Variants in TTPAL observed in about 807,000 individuals in gnomAD.
TTPAL encodes the protein alpha tocopherol transfer protein like.
Under a neutral mutation model 28.7 loss-of-function variants are expected in TTPAL, and 21 were observed. The observed-to-expected ratio is 0.73, with a 90% CI of 0.52 to 1.06. The LOEUF (loss-of-function observed/expected upper bound fraction) is 1.06, where lower values mean the gene tolerates loss of function less well. Ranked by LOEUF, TTPAL falls within the 50% of genes least tolerant of loss-of-function variation. The pLI is 0.00. For missense variants in TTPAL, 345 were observed against 425.5 expected (o/e 0.81, Z 1.67); for synonymous variants, 169 against 171.9 (o/e 0.98, Z 0.13).
intron 2 of TTPAL, among the ~76,000 whole-genome samples, chr20:44,483,279 ACTGGAAAGCTGTCCCCACCACTG>A (rs1197102321): frequency 1.3e-5 from 2 of 152,202 alleles, no homozygotes; most frequent in Non-Finnish European, 2.9e-5. Context: ...AAACTCTGGC[ACTGGAAAGCTGTCCCCACCACTG>A]CTGTCCTCAA....
Position 44,480,594 on chromosome 20 carries a change from A to C in TTPAL, c.445+150A>C. ...ATTGCAGATAACACAAACCTACTCA[A>C]ACCAACTTCAGAAAAAAGGGAGGAT... On this transcript the variant is annotated intron_variant, in intron 2 of 4. Coordinates refer to ENST00000262605, the MANE Select transcript of TTPAL (RefSeq NM_001039199.3). The surrounding 1 kb of genome is among the most constrained non-coding windows in gnomAD (Gnocchi z 4.1). 2 of 741,314 alleles carry C rather than the reference A, an allele frequency of 2.7e-6. No homozygotes were observed. Among genetic ancestry groups the C allele is most frequent in the Non-Finnish European group, 4.2e-6 (2 of 479,252 alleles). The allele number at this position is 741,314 out of a possible 1,614,324, so 45.9% of individuals were successfully genotyped here. A position where few individuals can be genotyped will look rare whatever the true frequency, so the allele number is the denominator to read the frequency against.
chr20:44,493,471 A>C lies in TTPAL; in HGVS notation c.*3930A>C, dbSNP rs919000983. On this transcript the variant is annotated 3_prime_UTR_variant, in exon 5 of 5. Transcript: ENST00000262605. ...TTTTCATTTGGGTAGCAAAAGCTAG[A>C]GTATTGCTGTGGCGATTATAATACT... The C allele has an allele frequency of 6.6e-6, 1 of 152,330 alleles. No homozygotes were observed. The allele number at this position is 152,330 out of a possible 1,614,324, so 9.4% of individuals were successfully genotyped here. A position where few individuals can be genotyped will look rare whatever the true frequency, so the allele number is the denominator to read the frequency against.
intron 1 of TTPAL, among the ~76,000 whole-genome samples, chr20:44,477,399 A>G (rs2064054015): frequency 6.6e-6 from 1 of 152,312 alleles, no homozygotes; most frequent in South Asian, 2.1e-4. Context: ...TGAACAAGAC[A>G]AACTTGGATG....
Position 44,494,234 on chromosome 20 carries a change from G to A in TTPAL, c.*4693G>A, listed in dbSNP as rs1246714331. On this transcript the variant is annotated 3_prime_UTR_variant, in exon 5 of 5. Transcript: ENST00000262605. ...CATCTCACTGGGCAGCAGGTTTAGT[G>A]AGGCAGTGAGATGCTGCTGCTGTGG... 1 of 152,668 alleles carries A rather than the reference G, an allele frequency of 6.6e-6. No homozygotes were observed. The highest frequency in any genetic ancestry group is 2.4e-5 in the African/African-American group (1 of 41,438). The allele number at this position is 152,668 out of a possible 1,614,324, so 9.5% of individuals were successfully genotyped here. A position where few individuals can be genotyped will look rare whatever the true frequency, so the allele number is the denominator to read the frequency against.
At position 44,484,439 on chromosome 20, in the gene TTPAL, T is replaced by C. The variant is rs1005631735; in HGVS notation, c.548T>C (p.Ile183Thr). 18 of 1,608,206 alleles carry C rather than the reference T, an allele frequency of 1.1e-5. No individual in the cohort carries two copies. Among genetic ancestry groups the C allele is most frequent in the East Asian group, 2.2e-5 (1 of 44,752 alleles). Residue 183 changes from isoleucine (I) to threonine (T), a missense_variant, in exon 3 of 5, where the codon ATT becomes ACT. Ile to Thr is a moderately conservative substitution (Grantham distance 89). Transcript: ENST00000262605. ...IQSEETQVNG[I>T]VILADYKGVS... Reference sequence around the variant, plus strand: ...TCTGAAGAAACCCAGGTGAATGGAATTGTAATTCTTGCAGACTACAAAGGA... The same window carrying C: ...TCTGAAGAAACCCAGGTGAATGGAACTGTAATTCTTGCAGACTACAAAGGA...
intron 4 of TTPAL, among the ~76,000 whole-genome samples, 191 bp from the exon 5 acceptor site, chr20:44,489,072 G>C (rs549499022): frequency 6.6e-6 from 1 of 152,146 alleles, no homozygotes; most frequent in Non-Finnish European, 1.5e-5. Context: ...CAGCCAACAG[G>C]ATGTATGGTA....
chr20:44,488,728 G>A (rs2122930705), intron 4 of TTPAL, among the ~76,000 whole-genome samples: 2 of 152,316 alleles, frequency 1.3e-5, no homozygotes, highest in South Asian at 4.1e-4. Flanking sequence ...CCTGACGTGG[G>A]AGCCTGTCCG....
chr20:44,484,127 G>GT (rs1313836483), intron 2 of TTPAL, among the ~76,000 whole-genome samples: 2 of 152,166 alleles, frequency 1.3e-5, no homozygotes, highest in African/African-American at 4.8e-5. Context: ...ACACTCAATT[G>GT]TATTTCCATC....
In TTPAL at chr20:44,493,412, T is replaced by C. The variant is rs1279082012; in HGVS notation, c.*3871T>C. 1 of 152,380 alleles carries C rather than the reference T, an allele frequency of 6.6e-6. No homozygotes were observed. Among genetic ancestry groups the C allele is most frequent in the Non-Finnish European group, 1.5e-5 (1 of 68,050 alleles). The allele number at this position is 152,380 out of a possible 1,614,324, so 9.4% of individuals were successfully genotyped here. A position where few individuals can be genotyped will look rare whatever the true frequency, so the allele number is the denominator to read the frequency against. On this transcript the variant is annotated 3_prime_UTR_variant, in exon 5 of 5. Coordinates refer to ENST00000262605, the MANE Select transcript of TTPAL (RefSeq NM_001039199.3). ...TCCCTGGGTGGGCAATTTCTTTAAA[T>C]AGTATTTGACCCTCAGATCAATCCT...
At position 44,489,262 on chromosome 20, in the gene TTPAL, GTTC is replaced by G; in HGVS notation, c.754_756del (p.Phe252del). ...TGTGTTTTCATTTCATTCCCTTTTA[GTTC>G]TTCCTCCATGGGTCTGACTTGAACT... On this transcript the variant is annotated inframe_deletion and splice_region_variant, in exon 5 of 5. Transcript: ENST00000262605. The G allele has an allele frequency of 1.2e-6, 2 of 1,610,920 alleles. No individual in the cohort carries two copies. The highest frequency in any genetic ancestry group is 1.3e-5 in the African/African-American group (1 of 74,922).
rs1055523213 is a variant in TTPAL at position 44,492,806 on chromosome 20, C to T, written c.*3265C>T. The T allele has an allele frequency of 1.2e-4, 19 of 152,260 alleles. No individual in the cohort carries two copies. The highest frequency in any genetic ancestry group is 4.6e-4 in the African/African-American group (19 of 41,424). The allele number at this position is 152,260 out of a possible 1,614,324, so 9.4% of individuals were successfully genotyped here. A position where few individuals can be genotyped will look rare whatever the true frequency, so the allele number is the denominator to read the frequency against. On this transcript the variant is annotated 3_prime_UTR_variant, in exon 5 of 5. Coordinates refer to ENST00000262605, the MANE Select transcript of TTPAL (RefSeq NM_001039199.3). ...CTACAAAAACAGCCAAAAGTGCCAC[C>T]CTGGCTTCATGTCTTGAATTTCTAA...
intron 4 of TTPAL, among the ~76,000 whole-genome samples, chr20:44,488,846 G>A (rs531181375): frequency 6.6e-6 from 1 of 152,300 alleles, no homozygotes; most frequent in East Asian, 1.9e-4. Context: ...ATGGGCCTCA[G>A]AGTCTGAGGT....
At chr20:44,482,081 C>G (rs1336203320) in intron 2 of TTPAL, among the ~76,000 whole-genome samples, 1 of 152,166 alleles carries the variant, frequency 6.6e-6, no homozygotes, top group Non-Finnish European at 1.5e-5. Context: ...TAGGAAGAGG[C>G]ATACACAGAA....
chr20:44,481,046 G>A (rs926597883), intron 2 of TTPAL, among the ~76,000 whole-genome samples: 1 of 152,168 alleles, frequency 6.6e-6, no homozygotes, highest in African/African-American at 2.4e-5. Flanking sequence ...GCAAGGGTGC[G>A]GACTGGGCAG....
intron 4 of TTPAL, 105 bp from the exon 5 acceptor site, chr20:44,489,158 C>A: frequency 8.4e-6 from 11 of 1,311,844 alleles, no homozygotes; most frequent in South Asian, 7.4e-5. Flanking sequence ...TTAACATTTC[C>A]TTTCTTCATT....
chr20:44,481,296 G>A (rs764645917), intron 2 of TTPAL, among the ~76,000 whole-genome samples: 2 of 152,080 alleles, frequency 1.3e-5, no homozygotes, highest in African/African-American at 2.4e-5. Context: ...TGTAATCCCC[G>A]CACTTTGGGA....
rs535832796 is a variant in TTPAL at position 44,482,572 on chromosome 20, CA to C, written c.446-1746del. Among the ~76,000 whole-genome samples, 592 of 60,828 alleles carry C rather than the reference CA, an allele frequency of 9.7e-3. 1 individual carries two copies. The highest frequency in any genetic ancestry group is 0.017 in the African/African-American group (277 of 16,450). The allele number at this position is 60,828 out of a possible 152,430, so 39.9% of individuals were successfully genotyped here. On this transcript the variant is annotated intron_variant, in intron 2 of 4. Transcript: ENST00000262605. The stretch of plus-strand genomic sequence containing the variant: ...TGGGTGACAGGGCAAGACTCTGTCT[CA>C]AAAAAAAAAAAAAAAAAAGTTTTTT...
At chr20:44,489,168 T>TCAA in intron 4 of TTPAL, 95 bp from the exon 5 acceptor site, 1 of 1,374,356 alleles carries the variant, frequency 7.3e-7, no homozygotes, top group Non-Finnish European at 9.9e-7. Flanking sequence ...CTTTCTTCAT[T>TCAA]CAACAGATAT....
Position 44,489,860 on chromosome 20 carries a change from G to A in TTPAL, c.*319G>A. The A allele has an allele frequency of 3.8e-6, 1 of 266,660 alleles. No individual in the cohort carries two copies. The highest frequency in any genetic ancestry group is 6.5e-5 in the South Asian group (1 of 15,468). The allele number at this position is 266,660 out of a possible 1,614,324, so 16.5% of individuals were successfully genotyped here. ...GGTGATCTGGTTCTTACACATCTTGGAAGCAAGAACAATCAGGACCAAAGT... is the reference window on the plus strand; with the variant it reads ...GGTGATCTGGTTCTTACACATCTTGAAAGCAAGAACAATCAGGACCAAAGT... On this transcript the variant is annotated 3_prime_UTR_variant, in exon 5 of 5. Coordinates refer to ENST00000262605, the MANE Select transcript of TTPAL (RefSeq NM_001039199.3).
Sources: gnomAD v4.1 joint callset for allele counts (sites outside exome capture counted in the v4.1 genomes callset) on GRCh38, gnomAD v4.1.1 for gene constraint, Gnocchi (gnomAD v3.1) non-coding constraint, MANE v1.5 for transcripts, NCBI Gene and HGNC (gene_info 2026-07-23, HGNC 2026-07-21) for gene names.